CMC4: variants seen among roughly 807,000 people sequenced by gnomAD.
The protein encoded by CMC4 is C-X9-C motif containing 4, also known as cx9C motif-containing protein 4.
In CMC4, 4 loss-of-function variants were observed where a neutral mutation model predicts 5.1. The observed-to-expected ratio is 0.78, with a 90% CI of 0.38 to 1.78. The LOEUF (loss-of-function observed/expected upper bound fraction) is 1.78, where lower values mean the gene tolerates loss of function less well. CMC4 is among the 40% of genes most tolerant of loss of function. The pLI is 0.04. For synonymous variants in CMC4, 23 were observed against 18.9 expected (o/e 1.22, Z -0.57); for missense variants, 52 against 51.3 (o/e 1.01, Z -0.04).
Position 155,062,236 on chromosome X carries a change from T to C in CMC4, c.59-245A>G, listed in dbSNP as rs2073930953. Among the ~76,000 whole-genome samples the C allele has an allele frequency of 2.7e-5, 3 of 112,629 alleles. No homozygotes were observed. In the South Asian group the frequency reaches 1.1e-3, roughly 41 times the overall value. ...ATAATTTCCTTTAAGGTTAATAGCA[T>C]GTATGCACCTTTTTCTAGGACATTG... On this transcript the variant is annotated intron_variant, in intron 2 of 2. Transcript: ENST00000369484.
chrX:155,065,176 C>A, intron 1 of CMC4: 1 of 315,870 alleles, frequency 3.2e-6, no homozygotes, highest in South Asian at 7.1e-5. Context: ...AGTTACGGAT[C>A]CTGACTAAGT....
At chrX:155,067,826 A>T (rs1402406750) in intron 1 of CMC4, among the ~76,000 whole-genome samples, 1 of 112,019 alleles carries the variant, frequency 8.9e-6, no homozygotes, top group African/African-American at 3.3e-5. Context: ...TGGGTAGGGA[A>T]GGGAAACAAA....
chrX:155,064,811 C>T (rs1052584708), intron 1 of CMC4: 1 of 112,302 alleles, frequency 8.9e-6, no homozygotes, highest in Admixed American at 9.4e-5. Flanking sequence ...GAAAAAAAGG[C>T]CCACAAGCCT....
intron 1 of CMC4, among the ~76,000 whole-genome samples, chrX:155,067,841 C>T (rs961589757): frequency 6.3e-5 from 7 of 111,712 alleles, no homozygotes; most frequent in Admixed American, 3.8e-4. Flanking sequence ...AACAAAGGAA[C>T]GCCACAGTGG....
chrX:155,067,178 G>A (rs1557292082), intron 1 of CMC4, among the ~76,000 whole-genome samples: 1 of 111,807 alleles, frequency 8.9e-6, no homozygotes, highest in African/African-American at 3.3e-5. Context: ...AAGTGAGACT[G>A]TCGAGAGCAA....
chrX:155,062,069 C>T, intron 2 of CMC4, 78 bp from the exon 3 acceptor site: 1 of 947,088 alleles, frequency 1.1e-6, no homozygotes. Context: ...GTGCTTCCCA[C>T]CCCTTTTCAC....
chrX:155,064,060 T>C, intron 1 of CMC4, 27 bp from the exon 2 acceptor site: 1 of 1,149,755 alleles, frequency 8.7e-7, no homozygotes, highest in Non-Finnish European at 1.2e-6. Context: ...GATTTTTATT[T>C]TTCTTTTTTC....
intron 1 of CMC4, among the ~76,000 whole-genome samples, chrX:155,069,149 A>AT (rs782318533): frequency 1.2e-4 from 13 of 112,928 alleles, no homozygotes; most frequent in African/African-American, 4.2e-4. Context: ...TAAAACTATC[A>AT]TTTTTCCTTT....
At position 155,061,777 on chromosome X, in the gene CMC4, C is replaced by G. The variant is rs782032929; in HGVS notation, c.*66G>C. 116 of 1,154,689 alleles carry G rather than the reference C, an allele frequency of 1.0e-4. 1 individual carries two copies. In the Middle Eastern group the frequency reaches 1.5e-3, roughly 15 times the overall value. ...CATTTGCTATTTGCTGCTACCTGGC[C>G]TGAAGAGTCAGGAGGATAAAAAAAA... On this transcript the variant is annotated 3_prime_UTR_variant, in exon 3 of 3. Coordinates refer to ENST00000369484, the MANE Select transcript of CMC4 (RefSeq NM_001018024.3).
In CMC4 at chrX:155,061,884, C is replaced by A; in HGVS notation, c.166G>T (p.Glu56Ter). The A allele has an allele frequency of 8.3e-7, 1 of 1,210,875 alleles. No homozygotes were observed. Among genetic ancestry groups the A allele is most frequent in the Non-Finnish European group, 1.1e-6 (1 of 895,021 alleles). Residue 56 changes from glutamate (E) to a stop codon, truncating the protein, a stop_gained, in exon 3 of 3, where the codon GAA becomes TAA. Transcript: ENST00000369484. LOFTEE classifies it high-confidence loss of function. The part of the protein sequence containing the change: ...RSVVCSGFEK[E>*]EEENLTRKSA... ...TTCCGTGTTAGGTTTTCTTCCTCTT[C>A]TTTTTCAAATCCTGAACAGACGACA... is the stretch of plus-strand genomic sequence containing the variant.
chrX:155,064,644 C>T (rs973750245), intron 1 of CMC4: 1 of 111,929 alleles, frequency 8.9e-6, no homozygotes, highest in Non-Finnish European at 1.9e-5. Flanking sequence ...GGTGTTATTA[C>T]TTCCTGAGAA....
At chrX:155,063,919 T>A in intron 2 of CMC4, 47 bp downstream of exon 2, 1 of 999,840 alleles carries the variant, frequency 1.0e-6, no homozygotes, top group Non-Finnish European at 1.4e-6. Context: ...CTCTTATAGT[T>A]AGTTCACAGT....
chrX:155,063,965 C>T lies in CMC4; in HGVS notation c.58+1G>A, dbSNP rs782588832. 1.7e-6 allele frequency: 2 copies of T among 1,187,815 alleles called. No homozygotes were observed. Among genetic ancestry groups the T allele is most frequent in the Non-Finnish European group, 2.3e-6 (2 of 885,104 alleles). ...TTTTAAAGCATTTTACAATATACTA[C>T]CTTGTAAACATTTCTGTATCTCACA... is the stretch of plus-strand genomic sequence containing the variant. On this transcript the variant is annotated splice_donor_variant, in intron 2 of 2. Transcript: ENST00000369484. LOFTEE classifies it high-confidence loss of function.
intron 2 of CMC4, among the ~76,000 whole-genome samples, chrX:155,063,698 T>C (rs1557291784): frequency 8.9e-6 from 1 of 111,841 alleles, no homozygotes; most frequent in East Asian, 2.8e-4. Flanking sequence ...CTTTTTTTCC[T>C]AGCCCTAGCC....
At chrX:155,067,470 T>G (rs782009226) in intron 1 of CMC4, among the ~76,000 whole-genome samples, 14 of 111,626 alleles carry the variant, frequency 1.3e-4, no homozygotes, top group Non-Finnish European at 1.9e-5. Flanking sequence ...AGACCAACTT[T>G]CCCCAAATAC....
Position 155,062,103 on chromosome X carries a change from G to A in CMC4, c.59-112C>T, listed in dbSNP as rs1458776957. On this transcript the variant is annotated intron_variant, in intron 2 of 2. Coordinates refer to ENST00000369484, the MANE Select transcript of CMC4 (RefSeq NM_001018024.3). Reference sequence around the variant, plus strand: ...ACTTTCAGTACCTATGGAACTGGAAGAAAGAAGATATACCAAAGTCCACTG... The same window carrying A: ...ACTTTCAGTACCTATGGAACTGGAAAAAAGAAGATATACCAAAGTCCACTG... 5 of 753,078 alleles carry A rather than the reference G, an allele frequency of 6.6e-6. No individual in the cohort carries two copies. In the East Asian group the frequency reaches 1.1e-4, roughly 16 times the overall value. The allele number at this position is 753,078 out of a possible 1,213,427, so 62.1% of individuals were successfully genotyped here.
At chrX:155,063,695 TCCTAGC>T (rs1343824031) in intron 2 of CMC4, among the ~76,000 whole-genome samples, 1 of 111,863 alleles carries the variant, frequency 8.9e-6, no homozygotes, top group South Asian at 3.7e-4. Flanking sequence ...ACCCTTTTTT[TCCTAGC>T]CCTAGCCCTA....
chrX:155,064,019 G>A lies in CMC4; in HGVS notation c.5C>T (p.Pro2Leu), dbSNP rs782404237. The A allele has an allele frequency of 1.2e-5, 14 of 1,185,335 alleles. No homozygotes were observed. The East Asian group carries it at 2.7e-4, about 23-fold the overall frequency. Residue 2 changes from proline (P) to leucine (L), a missense_variant, in exon 2 of 3, where the codon CCG (proline) becomes CTG (leucine). Transcript: ENST00000369484. ...TTGCTTCTGGCACGGATCCTTCTGC[G>A]GCATATCCAGAAAACTAAAACAAGA... M[P>L]QKDPCQKQAC...
intron 1 of CMC4, chrX:155,064,268 A>G: frequency 4.0e-6 from 1 of 252,204 alleles, no homozygotes; most frequent in Non-Finnish European, 7.1e-6. Context: ...CTTGAATTCA[A>G]TCAACTCTTT....
Sources: gnomAD v4.1 joint callset for allele counts (sites outside exome capture counted in the v4.1 genomes callset) on GRCh38, gnomAD v4.1.1 for gene constraint, MANE v1.5 for transcripts, NCBI Gene and HGNC (gene_info 2026-07-23, HGNC 2026-07-21) for gene names.